Variants in SPOCK1 observed in about 807,000 individuals in gnomAD.
SPOCK1 encodes the protein testican-1.
SPOCK1 carries 23 observed loss-of-function variants against 55.3 expected under a neutral mutation model. The observed-to-expected ratio is 0.42, with a 90% CI of 0.30 to 0.59. SPOCK1 has a LOEUF of 0.59. Among genes scored for constraint, SPOCK1 ranks in the 20% least tolerant of loss-of-function variants. SPOCK1 has a pLI of 0.22. For missense variants in SPOCK1, 499 were observed against 552.5 expected (o/e 0.90, Z 0.97); for synonymous variants, 226 against 221.0 (o/e 1.02, Z -0.20).
At chr5:136,997,944 A>G (rs1224240852) in intron 6 of SPOCK1, among the ~76,000 whole-genome samples, 1 of 152,146 alleles carries the variant, frequency 6.6e-6, no homozygotes. Context: ...CTCAATACAC[A>G]CCTACTGACT....
At chr5:137,368,011 C>T (rs1052388653) in intron 2 of SPOCK1, among the ~76,000 whole-genome samples, 1 of 152,240 alleles carries the variant, frequency 6.6e-6, no homozygotes, top group African/African-American at 2.4e-5. Context: ...CAACCGCCCC[C>T]AAAAGGCAGT....
At chr5:137,096,118 T>C (rs1211426504) in intron 5 of SPOCK1, among the ~76,000 whole-genome samples, 1 of 152,096 alleles carries the variant, frequency 6.6e-6, no homozygotes, top group African/African-American at 2.4e-5. Flanking sequence ...TGGGGTGGTA[T>C]ACACAGTGGC....
intron 2 of SPOCK1, among the ~76,000 whole-genome samples, chr5:137,437,732 T>C (rs1294872487): frequency 2.0e-5 from 3 of 152,246 alleles, no homozygotes; most frequent in Non-Finnish European, 4.4e-5. Flanking sequence ...CATTTACATA[T>C]GCTAGAAACA....
intron 6 of SPOCK1, among the ~76,000 whole-genome samples, chr5:136,999,363 G>A: frequency 6.6e-6 from 1 of 152,122 alleles, no homozygotes; most frequent in East Asian, 1.9e-4. Context: ...GTCTGGCTCT[G>A]CCTGTACCCC....
At chr5:137,037,598 C>T (rs985364043) in intron 6 of SPOCK1, among the ~76,000 whole-genome samples, 2 of 152,208 alleles carry the variant, frequency 1.3e-5, no homozygotes, top group African/African-American at 4.8e-5. Context: ...CCACTGTCCT[C>T]TCCAACTAAG....
At chr5:137,187,232 A>G (rs1466643100) in intron 3 of SPOCK1, among the ~76,000 whole-genome samples, 2 of 151,960 alleles carry the variant, frequency 1.3e-5, no homozygotes, top group African/African-American at 4.8e-5. Flanking sequence ...CCCGACCTCA[A>G]CCCTGAGCTC....
intron 2 of SPOCK1, among the ~76,000 whole-genome samples, chr5:137,476,332 T>C (rs1262572822): frequency 6.6e-6 from 1 of 152,070 alleles, no homozygotes; most frequent in African/African-American, 2.4e-5. Flanking sequence ...ACAGAGCAGA[T>C]AAGAAACACA....
intron 4 of SPOCK1, among the ~76,000 whole-genome samples, chr5:137,116,571 G>A (rs1453970648): frequency 6.6e-6 from 1 of 151,860 alleles, no homozygotes; most frequent in Non-Finnish European, 1.5e-5. Context: ...ACTTGAACAC[G>A]GCAGGCGGAG....
At chr5:137,005,375 G>A (rs1751227860) in intron 6 of SPOCK1, among the ~76,000 whole-genome samples, 2 of 147,490 alleles carry the variant, frequency 1.4e-5, no homozygotes, top group South Asian at 4.6e-4. Context: ...TTACAAAAGA[G>A]CAGCATTGCA....
chr5:137,364,943 T>A (rs1240754742), intron 2 of SPOCK1: 1 of 152,258 alleles, frequency 6.6e-6, no homozygotes. Flanking sequence ...TGCTCCTTCA[T>A]ACTCACTGCA....
At position 137,097,034 on chromosome 5, in the gene SPOCK1, G is replaced by T. The variant is rs1427495464; in HGVS notation, c.474+15401C>A. On this transcript the variant is annotated intron_variant, in intron 5 of 10. Coordinates refer to ENST00000394945, the MANE Select transcript of SPOCK1 (RefSeq NM_004598.4). Reference sequence around the variant, plus strand: ...CACCCATCTTTCGAGACTGGCATGAGAATTATGTAATGTCATGTTATGTGC... The same window carrying T: ...CACCCATCTTTCGAGACTGGCATGATAATTATGTAATGTCATGTTATGTGC... 6.6e-5 allele frequency among the ~76,000 whole-genome samples: 10 copies of T among 152,320 alleles called. No individual in the cohort carries two copies. The East Asian group carries it at 1.9e-3, about 29-fold the overall frequency.
chr5:137,146,511 C>G (rs935387202), intron 3 of SPOCK1, among the ~76,000 whole-genome samples: 2 of 152,168 alleles, frequency 1.3e-5, no homozygotes, highest in African/African-American at 4.8e-5. Flanking sequence ...AGCAGACACT[C>G]CCAGTGATTC....
chr5:137,496,002 T>A (rs1226261905), intron 2 of SPOCK1, among the ~76,000 whole-genome samples: 1 of 152,164 alleles, frequency 6.6e-6, no homozygotes, highest in South Asian at 2.1e-4. Flanking sequence ...CTGCTAAAAA[T>A]ATTAGTTTAA....
At chr5:137,312,794 C>T (rs1757812307) in intron 2 of SPOCK1, among the ~76,000 whole-genome samples, 1 of 152,200 alleles carries the variant, frequency 6.6e-6, no homozygotes, top group South Asian at 2.1e-4. Context: ...CAAAATCCTA[C>T]TTCTATCTCT....
chr5:136,993,212 C>T (rs1750981874), intron 6 of SPOCK1: 2 of 152,146 alleles, frequency 1.3e-5, no homozygotes, highest in South Asian at 4.1e-4. Flanking sequence ...ACTATTTAGT[C>T]ATTTCTTAGG....
intron 2 of SPOCK1, among the ~76,000 whole-genome samples, chr5:137,281,509 C>T (rs1293932256): frequency 6.6e-6 from 1 of 152,156 alleles, no homozygotes; most frequent in Non-Finnish European, 1.5e-5. Flanking sequence ...ATTTCTGTAC[C>T]CTATTAAGAA....
At chr5:137,490,182 C>G (rs1754144582) in intron 2 of SPOCK1, among the ~76,000 whole-genome samples, 1 of 152,210 alleles carries the variant, frequency 6.6e-6, no homozygotes, top group Non-Finnish European at 1.5e-5. Context: ...CTGGGTTTCT[C>G]CTAAGCCACA....
At chr5:137,395,045 C>A (rs10036948) in intron 2 of SPOCK1, among the ~76,000 whole-genome samples, 27,372 of 152,160 alleles carry the variant, frequency 0.18, 2,928 homozygotes, top group African/African-American at 0.28. Flanking sequence ...AGACCTGGGG[C>A]CAAACCCAGA....
At chr5:137,127,949 G>C (rs1275610076) in intron 4 of SPOCK1, among the ~76,000 whole-genome samples, 1 of 152,214 alleles carries the variant, frequency 6.6e-6, no homozygotes, top group African/African-American at 2.4e-5. Context: ...AAAAGGACAT[G>C]AATTTAATGG....
Sources: allele counts gnomAD v4.1 joint callset (sites outside exome capture counted in the v4.1 genomes callset), GRCh38; gene constraint gnomAD v4.1.1; transcripts MANE v1.5; gene names NCBI Gene and HGNC (gene_info 2026-07-23, HGNC 2026-07-21).